INVS: variants seen among roughly 807,000 people sequenced by gnomAD.
The protein encoded by INVS is inversin.
Under a neutral mutation model 108.8 loss-of-function variants are expected in INVS, and 86 were observed. The observed-to-expected ratio is 0.79, with a 90% CI of 0.66 to 0.95. The LOEUF is 0.95. Among genes scored for constraint, INVS ranks in the 40% least tolerant of loss-of-function variants. The probability of loss-of-function intolerance (pLI) is 0.00; values close to 1 mark genes in which losing one functional copy is unlikely to be tolerated. For synonymous variants in INVS, 455 were observed against 473.5 expected (o/e 0.96, Z 0.51); for missense variants, 1,169 against 1,297.4 (o/e 0.90, Z 1.52).
At chr9:100,146,955 A>G (rs1828638148) in intron 3 of INVS, among the ~76,000 whole-genome samples, 1 of 140,614 alleles carries the variant, frequency 7.1e-6, no homozygotes, top group African/African-American at 2.5e-5. Flanking sequence ...TCCTTCATCA[A>G]CTTATGGTAC....
intron 5 of INVS, among the ~76,000 whole-genome samples, chr9:100,231,975 T>C (rs1460540534): frequency 1.3e-5 from 2 of 152,216 alleles, no homozygotes; most frequent in Non-Finnish European, 2.9e-5. Context: ...ACCAACAGTG[T>C]AAAAGCATTC....
intron 7 of INVS, 103 bp downstream of exon 7, chr9:100,242,782 A>G: frequency 1.3e-6 from 1 of 748,738 alleles, no homozygotes; most frequent in Non-Finnish European, 2.4e-6. Flanking sequence ...ACAAGATTGC[A>G]TGTACCCTTC....
In INVS at chr9:100,297,075, C is replaced by G; in HGVS notation, c.2945C>G (p.Ala982Gly). 1 of 1,614,016 alleles carries G rather than the reference C, an allele frequency of 6.2e-7. No individual in the cohort carries two copies. The highest frequency in any genetic ancestry group is 1.1e-5 in the South Asian group (1 of 91,078). Residue 982 changes from alanine to glycine, a missense_variant, in exon 15 of 17, where the codon GCC becomes GGC. Coordinates refer to ENST00000262457, the MANE Select transcript of INVS (RefSeq NM_014425.5). ...KFPQTTAVSK[A>G]PKSPSKGTSG... ...CCCCAAACCACTGCAGTAAGCAAGG[C>G]CCCCAAGAGTCCATCCAAGGGCACC...
chr9:100,140,304 C>G (rs1205168430), intron 3 of INVS, among the ~76,000 whole-genome samples: 1 of 151,848 alleles, frequency 6.6e-6, no homozygotes, highest in Non-Finnish European at 1.5e-5. Context: ...TGGGGTGGAG[C>G]TGTTTTATAA....
intron 3 of INVS, among the ~76,000 whole-genome samples, chr9:100,187,041 G>A (rs1256495367): frequency 6.6e-6 from 1 of 152,078 alleles, no homozygotes; most frequent in Non-Finnish European, 1.5e-5. Flanking sequence ...TGTATATGGT[G>A]AGAGATAGGG....
rs55800849 is a variant in INVS at position 100,299,555 on chromosome 9, AACACACACACACACACAC to A, written c.3092-995_3092-978del. ...TCAGCAGAGCCTTTTATTGACACAC[AACACACACACACACACAC>A]ACACACACACACACACAGCCTTGCA... On this transcript the variant is annotated intron_variant, in intron 16 of 16. Coordinates refer to ENST00000262457, the MANE Select transcript of INVS (RefSeq NM_014425.5). 4.8e-5 allele frequency among the ~76,000 whole-genome samples: 6 copies of A among 125,642 alleles called. 1 individual carries two copies. The highest frequency in any genetic ancestry group is 1.2e-4 in the African/African-American group (4 of 33,516). The allele number at this position is 125,642 out of a possible 152,430, so 82.4% of individuals were successfully genotyped here.
chr9:100,131,827 A>G, intron 3 of INVS: 1 of 638,312 alleles, frequency 1.6e-6, no homozygotes, highest in Non-Finnish European at 2.0e-6. Flanking sequence ...AAATTCATAA[A>G]TAATTCTCAG....
intron 12 of INVS, 52 bp from the exon 13 acceptor site, chr9:100,284,268 G>A (rs1833363632): frequency 6.2e-7 from 1 of 1,603,420 alleles, no homozygotes; most frequent in East Asian, 2.2e-5. Context: ...AGAGACTTGA[G>A]GAGGTGATAC....
At chr9:100,191,599 C>G (rs1195184131) in intron 3 of INVS, among the ~76,000 whole-genome samples, 2 of 152,052 alleles carry the variant, frequency 1.3e-5, no homozygotes, top group African/African-American at 4.8e-5. Context: ...ATTTTTTTAA[C>G]TTCACTATGT....
At chr9:100,262,238 CA>C (rs71370986) in intron 10 of INVS, among the ~76,000 whole-genome samples, 78,001 of 146,716 alleles carry the variant, frequency 0.53, 21,131 homozygotes, top group African/African-American at 0.58. Flanking sequence ...CTAACCTTGT[CA>C]AAAAAAAAAA....
At chr9:100,131,880 A>G (rs1008046744) in intron 3 of INVS, 25 of 971,628 alleles carry the variant, frequency 2.6e-5, no homozygotes, top group Non-Finnish European at 2.9e-5. Flanking sequence ...TTTTCAAGGT[A>G]CGCTGTTTCC....
Position 100,226,224 on chromosome 9 carries a change from G to T in INVS, c.436G>T (p.Asp146Tyr), listed in dbSNP as rs1300032589. The T allele has an allele frequency of 6.2e-7, 1 of 1,613,822 alleles. No homozygotes were observed. Reference sequence around the variant, plus strand: ...GGCACCAGGAGAAGTGGATACACAGGATAAAAACAAGGTAATGGATACTCA... The same window carrying T: ...GGCACCAGGAGAAGTGGATACACAGTATAAAAACAAGGTAATGGATACTCA... The part of the protein sequence containing the change: ...FMAPGEVDTQ[D>Y]KNKQTALHWS... Residue 146 changes from aspartate to tyrosine, a missense_variant, in exon 4 of 17, where the codon GAT (aspartate) becomes TAT (tyrosine). Coordinates refer to ENST00000262457, the MANE Select transcript of INVS (RefSeq NM_014425.5).
chr9:100,158,912 G>T (rs1588048376), intron 3 of INVS, among the ~76,000 whole-genome samples: 1 of 151,962 alleles, frequency 6.6e-6, no homozygotes, highest in East Asian at 1.9e-4. Context: ...GAAGAGCCTG[G>T]CATCCTTCCC....
At position 100,119,354 on chromosome 9, in the gene INVS, AG is replaced by A. The variant is rs544882782; in HGVS notation, c.107-7027del. Among the ~76,000 whole-genome samples the A allele has an allele frequency of 5.2e-3, 791 of 152,348 alleles. 2 individuals are homozygous for A. Among genetic ancestry groups the A allele is most frequent in the Admixed American group, 0.012 (185 of 15,310 alleles). ...TAATTTTTTAATAAAGTACTATATT[AG>A]GTTTTTATTGCTGTGTAACAAATTA... On this transcript the variant is annotated intron_variant, in intron 2 of 16. Transcript: ENST00000262457.
intron 3 of INVS, among the ~76,000 whole-genome samples, chr9:100,174,705 G>C (rs1041103168): frequency 2.0e-5 from 3 of 152,148 alleles, no homozygotes; most frequent in Admixed American, 6.5e-5. Context: ...CTGAGGTCAG[G>C]AGTTGGAGAT....
At chr9:100,141,141 G>T (rs1828416449) in intron 3 of INVS, among the ~76,000 whole-genome samples, 1 of 152,300 alleles carries the variant, frequency 6.6e-6, no homozygotes, top group Non-Finnish European at 1.5e-5. Flanking sequence ...TGATTAGACA[G>T]AAGATAGTAG....
At chr9:100,260,190 T>C (rs1021016733) in intron 10 of INVS, among the ~76,000 whole-genome samples, 6 of 145,440 alleles carry the variant, frequency 4.1e-5, no homozygotes, top group Non-Finnish European at 7.6e-5. Context: ...TCTTTTCTTT[T>C]TTTTTTTTTT....
intron 2 of INVS, among the ~76,000 whole-genome samples, chr9:100,110,294 C>A (rs1408789947): frequency 6.6e-6 from 1 of 152,118 alleles, no homozygotes; most frequent in Non-Finnish European, 1.5e-5. Flanking sequence ...ATTAGTATTA[C>A]CCTCATTTTT....
chr9:100,214,356 C>T (rs761172540), intron 3 of INVS, among the ~76,000 whole-genome samples: 2 of 152,116 alleles, frequency 1.3e-5, no homozygotes, highest in Non-Finnish European at 2.9e-5. Context: ...AAAAAGCAAC[C>T]CCCAAGCTCA....
Sources: allele counts gnomAD v4.1 joint callset (sites outside exome capture counted in the v4.1 genomes callset), GRCh38; gene constraint gnomAD v4.1.1; transcripts MANE v1.5; gene names NCBI Gene and HGNC (gene_info 2026-07-23, HGNC 2026-07-21).